Variants in INO80 observed in about 807,000 individuals in gnomAD.
The protein encoded by INO80 is chromatin-remodeling ATPase INO80.
INO80 carries 20 observed loss-of-function variants against 203.4 expected under a neutral mutation model. The observed-to-expected ratio is 0.10, with a 90% CI of 0.07 to 0.14. INO80 has a LOEUF of 0.14. Ranked by LOEUF, INO80 falls within the 10% of genes least tolerant of loss-of-function variation. The pLI, the probability that INO80 is intolerant of heterozygous loss-of-function variation, is 1.00. For missense variants in INO80, 1,419 were observed against 1,914.4 expected (o/e 0.74, Z 4.83); for synonymous variants, 726 against 685.2 (o/e 1.06, Z -0.93).
intron 23 of INO80, among the ~76,000 whole-genome samples, chr15:41,047,180 G>C (rs930895390): frequency 3.3e-5 from 5 of 151,816 alleles, no homozygotes; most frequent in African/African-American, 1.2e-4. Context: ...GGTCAGGCTG[G>C]TCTTGAACTG....
intron 8 of INO80, among the ~76,000 whole-genome samples, chr15:41,080,492 C>G (rs2045469699): frequency 6.6e-6 from 1 of 152,142 alleles, no homozygotes; most frequent in South Asian, 2.1e-4. Flanking sequence ...CTCAAGAAAT[C>G]AGGGTGGGCT....
chr15:41,030,818 G>C (rs1200635226), intron 24 of INO80, among the ~76,000 whole-genome samples: 1 of 151,862 alleles, frequency 6.6e-6, no homozygotes, highest in East Asian at 1.9e-4. Context: ...GGGATTACAG[G>C]TGTGCGCCAC....
chr15:40,997,396 GAAAT>G (rs1439400205), intron 29 of INO80, 129 bp downstream of exon 29: 5 of 626,724 alleles, frequency 8.0e-6, no homozygotes, highest in East Asian at 5.6e-5. Flanking sequence ...AAGAGGCAAA[GAAAT>G]AAAAAGTTTG....
intron 28 of INO80, among the ~76,000 whole-genome samples, chr15:40,998,983 TACACACACAC>T (rs10650860): frequency 5.7e-5 from 8 of 140,436 alleles, no homozygotes; most frequent in East Asian, 4.2e-4. Context: ...AAGATTTATC[TACACACACAC>T]ACACACACAC....
chr15:41,061,087 A>G (rs2045096322), intron 14 of INO80, among the ~76,000 whole-genome samples: 2 of 152,140 alleles, frequency 1.3e-5, no homozygotes, highest in African/African-American at 4.8e-5. Context: ...CTGGCAGATC[A>G]CCTGAGCATG....
At chr15:41,039,017 AGGGT>A (rs1458750065) in intron 24 of INO80, among the ~76,000 whole-genome samples, 1 of 152,254 alleles carries the variant, frequency 6.6e-6, no homozygotes, top group Non-Finnish European at 1.5e-5. Flanking sequence ...AAACCCGCAT[AGGGT>A]GGCATTCAAA....
In INO80 at chr15:41,055,277, G is replaced by A; in HGVS notation, c.2158C>T (p.His720Tyr). The A allele has an allele frequency of 6.2e-7, 1 of 1,612,376 alleles. No individual in the cohort carries two copies. Among genetic ancestry groups the A allele is most frequent in the Non-Finnish European group, 8.5e-7 (1 of 1,178,788 alleles). Residue 720 changes from histidine (H) to tyrosine (Y), a missense_variant, in exon 18 of 36, where the codon CAT (histidine) becomes TAT (tyrosine). His to Tyr is a moderately conservative substitution (Grantham distance 83). Coordinates refer to ENST00000648947, the MANE Select transcript of INO80 (RefSeq NM_017553.3). ...TCAATAGCAGATTTGTTTTCGGCAT[G>A]GCTCTCAATGTCCTTGGAAAACCAT... ...NEWFSKDIES[H>Y]AENKSAIDEN...
intron 28 of INO80, among the ~76,000 whole-genome samples, chr15:41,002,940 T>TAAAAATAC (rs558513814): frequency 2.0e-5 from 3 of 152,006 alleles, no homozygotes; most frequent in Non-Finnish European, 4.4e-5. Context: ...TTGTCTCTAC[T>TAAAAATAC]AAAAATACAA....
In INO80 at chr15:40,983,072, A is replaced by G. The variant is rs1278520935; in HGVS notation, c.4243T>C (p.Ser1415Pro). 1 of 1,613,206 alleles carries G rather than the reference A, an allele frequency of 6.2e-7. No homozygotes were observed. The highest frequency in any genetic ancestry group is 8.5e-7 in the Non-Finnish European group (1 of 1,179,646). ...CCTGCAGCTGGCATTTCCTGAATGGAAATTCCTGTGGGAACAAATGGGCCA... is the reference window on the plus strand; with the variant it reads ...CCTGCAGCTGGCATTTCCTGAATGGGAATTCCTGTGGGAACAAATGGGCCA... ...GSVSDTVNGI[S>P]IQEMPAAGRG... is the part of the protein sequence containing the mutation. The change falls in exon 35 of 36, where the codon TCC (serine) becomes CCC (proline). Residue 1415 changes from serine to proline, a missense_variant. By Grantham distance (74) the Ser-to-Pro change is moderately conservative. Transcript: ENST00000648947.
intron 27 of INO80, 128 bp downstream of exon 27, chr15:41,015,959 AG>A: frequency 2.8e-6 from 2 of 704,866 alleles, no homozygotes; most frequent in East Asian, 2.8e-5. Flanking sequence ...AAAAAAAAAA[AG>A]GAAAAAGAAA....
intron 14 of INO80, among the ~76,000 whole-genome samples, chr15:41,068,771 G>C (rs1216118136): frequency 6.6e-6 from 1 of 152,064 alleles, no homozygotes; most frequent in East Asian, 1.9e-4. Context: ...GAGGCAGGAG[G>C]ATTGCTTGAA....
At chr15:41,006,279 C>G (rs1002117431) in intron 27 of INO80, among the ~76,000 whole-genome samples, 1 of 152,104 alleles carries the variant, frequency 6.6e-6, no homozygotes, top group Non-Finnish European at 1.5e-5. Flanking sequence ...TGAAGAGACT[C>G]CAAAAGATAC....
rs916979064 is a variant in INO80 at position 41,102,560 on chromosome 15, C to T, written c.-43-6207G>A. Reference sequence around the variant, plus strand: ...GCGGGTTTGCCTGTAGTCCCAGCAACTTGGGAGCCTGAGGCAGGAGAATCG... The same window carrying T: ...GCGGGTTTGCCTGTAGTCCCAGCAATTTGGGAGCCTGAGGCAGGAGAATCG... On this transcript the variant is annotated intron_variant, in intron 1 of 35. Transcript: ENST00000648947. 2.6e-5 allele frequency among the ~76,000 whole-genome samples: 4 copies of T among 152,068 alleles called. No homozygotes were observed. The South Asian group carries it at 8.3e-4, about 32-fold the overall frequency.
rs774925591 is a variant in INO80 at position 41,016,158 on chromosome 15, G to A, written c.3332C>T (p.Thr1111Ile). Residue 1111 changes from threonine (T) to isoleucine (I), a missense_variant, in exon 27 of 36, where the codon ACT becomes ATT. Thr to Ile is a moderately conservative substitution (Grantham distance 89). Transcript: ENST00000648947. ...GKLYALDVLLTRLKSQGHRVL... is the reference protein window; with the variant it reads ...GKLYALDVLLIRLKSQGHRVL... The stretch of plus-strand genomic sequence containing the variant: ...CCTATGCCCTTGAGACTTGAGCCGA[G>A]TCAGCAGGACATCAAGGGCATACAG... 2.5e-6 allele frequency: 4 copies of A among 1,613,596 alleles called. No homozygotes were observed.
Position 41,094,864 on chromosome 15 carries a change from G to A in INO80, c.381+737C>T, listed in dbSNP as rs182282390. On this transcript the variant is annotated intron_variant, in intron 4 of 35. Coordinates refer to ENST00000648947, the MANE Select transcript of INO80 (RefSeq NM_017553.3). ...ATTCCACACCTGACCTCACGCGACA[G>A]GTCACAGTCAAAACACAGGTATACA... Among the ~76,000 whole-genome samples the A allele has an allele frequency of 9.2e-5, 14 of 152,208 alleles. No homozygotes were observed. The East Asian group carries it at 2.7e-3, about 29-fold the overall frequency.
intron 30 of INO80, 151 bp downstream of exon 30, chr15:40,987,665 G>T: frequency 1.3e-6 from 1 of 779,504 alleles, no homozygotes; most frequent in Non-Finnish European, 2.1e-6. Flanking sequence ...CTATTGCATG[G>T]GACCTGATTT....
intron 10 of INO80, among the ~76,000 whole-genome samples, chr15:41,073,852 C>T (rs141723202): frequency 1.3e-5 from 2 of 152,216 alleles, no homozygotes; most frequent in African/African-American, 2.4e-5. Flanking sequence ...AGGAGAAATA[C>T]AGACATATTT....
At chr15:41,027,553 C>T in intron 25 of INO80, 43 bp downstream of exon 25, 1 of 1,530,682 alleles carries the variant, frequency 6.5e-7, no homozygotes, top group Non-Finnish European at 8.9e-7. Flanking sequence ...GTTTATTTCT[C>T]CTATTGCCAT....
intron 1 of INO80, among the ~76,000 whole-genome samples, chr15:41,114,356 G>A (rs2045998430): frequency 6.6e-6 from 1 of 151,996 alleles, no homozygotes; most frequent in Non-Finnish European, 1.5e-5. Context: ...TTTTATAGGA[G>A]GAGGAGCTTG....
Sources: gnomAD v4.1 joint callset for allele counts (sites outside exome capture counted in the v4.1 genomes callset) on GRCh38, gnomAD v4.1.1 for gene constraint, MANE v1.5 for transcripts, NCBI Gene and HGNC (gene_info 2026-07-23, HGNC 2026-07-21) for gene names.